NCAN: variants seen among roughly 807,000 people sequenced by gnomAD.
NCAN encodes neurocan core protein.
A neutral mutation model predicts 121.8 loss-of-function variants in NCAN; 47 were observed. That is an observed-to-expected ratio of 0.39 (90% confidence interval 0.31 to 0.49). NCAN has a LOEUF of 0.49. NCAN is among the 20% of genes least tolerant of loss of function. The pLI, the probability that NCAN is intolerant of heterozygous loss-of-function variation, is 0.92. For missense variants in NCAN, 1,517 were observed against 1,773.4 expected (o/e 0.86, Z 2.60); for synonymous variants, 633 against 702.0 (o/e 0.90, Z 1.55).
In NCAN at chr19:19,250,856, C is replaced by A; in HGVS notation, c.*945C>A. On this transcript the variant is annotated 3_prime_UTR_variant, in exon 15 of 15. Coordinates refer to ENST00000252575, the MANE Select transcript of NCAN (RefSeq NM_004386.3). ...CCTGGGTCCCACTCCTGCCCCACCC[C>A]ACCCTTGTCCCTGGCCATTGCCTGG... 1 of 157,756 alleles carries A rather than the reference C, an allele frequency of 6.3e-6. No individual in the cohort carries two copies. Among genetic ancestry groups the A allele is most frequent in the East Asian group, 1.6e-4 (1 of 6,216 alleles). The allele number at this position is 157,756 out of a possible 1,614,324, so 9.8% of individuals were successfully genotyped here.
intron 12 of NCAN, among the ~76,000 whole-genome samples, chr19:19,243,008 C>G (rs1234872882): frequency 2.0e-5 from 3 of 151,116 alleles, no homozygotes; most frequent in African/African-American, 7.3e-5. Context: ...GAGACTCCGG[C>G]TCAAAAATAA....
At chr19:19,219,346 G>A (rs12459735) in intron 3 of NCAN, 30 bp downstream of exon 3, 134,966 of 1,470,172 alleles carry the variant, frequency 0.092, 7,291 homozygotes, top group East Asian at 0.18. Flanking sequence ...GGGGCCGGGG[G>A]CCGGGGAGAG....
rs1599828032 is a variant in NCAN, at chr19:19,250,015, GA to G, written c.*106del. On this transcript the variant is annotated 3_prime_UTR_variant, in exon 15 of 15. Transcript: ENST00000252575. The stretch of plus-strand genomic sequence containing the variant: ...GAAACAAGAGAGTCCAGAAGTCCCT[GA>G]ACCCCAAACCACATCCCCCACACAC... 4.0e-6 allele frequency: 5 copies of G among 1,249,704 alleles called. No individual in the cohort carries two copies. Among genetic ancestry groups the G allele is most frequent in the East Asian group, 2.5e-5 (1 of 39,580 alleles). 77.4% of individuals were successfully genotyped at this position (1,249,704 alleles called of 1,614,324 possible).
rs1327786976 is a variant in NCAN, at chr19:19,212,001, A to T, written c.-71A>T. The T allele has an allele frequency of 1.9e-5, 4 of 215,464 alleles. No homozygotes were observed. The highest frequency in any genetic ancestry group is 1.6e-4 in the South Asian group (4 of 24,524). The allele number at this position is 215,464 out of a possible 1,614,324, so 13.3% of individuals were successfully genotyped here. On this transcript the variant is annotated 5_prime_UTR_variant, in exon 1 of 15. Transcript: ENST00000252575. The surrounding 1 kb of genome is among the most constrained non-coding windows in gnomAD (Gnocchi z 4.5). Reference sequence around the variant, plus strand: ...GCTGGACCCGGCGCGGAGCTGGCTGAGTCGGAGCGCAGCGTCCTTTGTGCC... The same window carrying T: ...GCTGGACCCGGCGCGGAGCTGGCTGTGTCGGAGCGCAGCGTCCTTTGTGCC...
intron 3 of NCAN, among the ~76,000 whole-genome samples, chr19:19,222,562 A>T (rs749711849): frequency 1.3e-5 from 2 of 152,096 alleles, no homozygotes; most frequent in Non-Finnish European, 2.9e-5. Context: ...TACAGGCATG[A>T]GCTGCTATGC....
At chr19:19,238,735 T>C (rs2060891105) in intron 11 of NCAN, 2 of 408,720 alleles carry the variant, frequency 4.9e-6, no homozygotes, top group Admixed American at 3.6e-5. Flanking sequence ...GACCATTTCT[T>C]GGGGAGGATA....
chr19:19,223,888 G>T, intron 3 of NCAN, 133 bp from the exon 4 acceptor site: 1 of 853,024 alleles, frequency 1.2e-6, no homozygotes, highest in Non-Finnish European at 1.6e-6. Context: ...CCCCACCCTC[G>T]ACCCACACTG....
chr19:19,238,313 C>T lies in NCAN; in HGVS notation c.3311C>T (p.Ala1104Val). The T allele has an allele frequency of 6.2e-7, 1 of 1,614,178 alleles. No homozygotes were observed. The highest frequency in any genetic ancestry group is 1.3e-5 in the African/African-American group (1 of 75,052). ...CAGGGCCACTGTTACCGCTATTTTG[C>T]CCACCGGAGGGCATGGGAAGATGCC... ...KFQGHCYRYF[A>V]HRRAWEDAEK... The change falls in exon 11 of 15, where the codon GCC becomes GTC. Residue 1104 changes from alanine (A) to valine (V), a missense_variant. Transcript: ENST00000252575.
chr19:19,249,886 A>G lies in NCAN; in HGVS notation c.3941A>G (p.Glu1314Gly). The G allele has an allele frequency of 6.2e-7, 1 of 1,614,044 alleles. No homozygotes were observed. Among genetic ancestry groups the G allele is most frequent in the Non-Finnish European group, 8.5e-7 (1 of 1,179,958 alleles). The change falls in exon 15 of 15, where the codon GAG (glutamate) becomes GGG (glycine). Residue 1314 changes from glutamate (E) to glycine (G), a missense_variant. Glu to Gly is a moderately conservative substitution (Grantham distance 98). Transcript: ENST00000252575. ...AAGAAACACCCAACGGAGGACTGGG[A>G]GAAGGACGAAGGGAATTTCTGCTGA... is the stretch of plus-strand genomic sequence containing the variant. Reference protein sequence around the residue: ...KHKKHPTEDWEKDEGNFC With the variant: ...KHKKHPTEDWGKDEGNFC
In NCAN at chr19:19,251,551, C is replaced by G. The variant is rs2060946227; in HGVS notation, c.*1640C>G. 6.6e-6 allele frequency: 1 copy of G among 152,184 alleles called. No individual in the cohort carries two copies. The highest frequency in any genetic ancestry group is 1.5e-5 in the Non-Finnish European group (1 of 68,036). The allele number at this position is 152,184 out of a possible 1,614,324, so 9.4% of individuals were successfully genotyped here. A position where few individuals can be genotyped will look rare whatever the true frequency, so the allele number is the denominator to read the frequency against. ...GGACCAAATCCTTACTCTGGCTCTGCTTACACTTTCTCTCCATCACCAAAT... is the reference window on the plus strand; with the variant it reads ...GGACCAAATCCTTACTCTGGCTCTGGTTACACTTTCTCTCCATCACCAAAT... On this transcript the variant is annotated 3_prime_UTR_variant, in exon 15 of 15. Coordinates refer to ENST00000252575, the MANE Select transcript of NCAN (RefSeq NM_004386.3).
intron 8 of NCAN, among the ~76,000 whole-genome samples, chr19:19,230,191 C>A (rs925442637): frequency 2.0e-5 from 3 of 151,724 alleles, no homozygotes; most frequent in Non-Finnish European, 4.4e-5. Context: ...ATTACAGGCT[C>A]CCGCCACCAC....
intron 10 of NCAN, among the ~76,000 whole-genome samples, chr19:19,237,504 T>C (rs1008218094): frequency 2.0e-5 from 3 of 150,800 alleles, no homozygotes; most frequent in African/African-American, 7.3e-5. Flanking sequence ...AAAAAAAATT[T>C]TATATATATA....
chr19:19,212,636 G>A lies in NCAN; in HGVS notation c.-8+572G>A, dbSNP rs1238282436. ...CCCTGCCATCTCCCTGTCCTTTTGG[G>A]TCAGGTCCGGTCACCACGTTCTGAC... On this transcript the variant is annotated intron_variant, in intron 1 of 14. Coordinates refer to ENST00000252575, the MANE Select transcript of NCAN (RefSeq NM_004386.3). The surrounding 1 kb of genome is among the most constrained non-coding windows in gnomAD (Gnocchi z 4.5). Among the ~76,000 whole-genome samples the A allele has an allele frequency of 3.3e-5, 5 of 152,210 alleles. No homozygotes were observed. The highest frequency in any genetic ancestry group is 3.3e-4 in the Admixed American group (5 of 15,286).
chr19:19,220,489 G>T (rs1345509420), intron 3 of NCAN, among the ~76,000 whole-genome samples: 2 of 104,850 alleles, frequency 1.9e-5, no homozygotes, highest in East Asian at 3.2e-4. Context: ...TGGGAGTCTC[G>T]CTCTGTCTCC....
chr19:19,240,077 C>T (rs1214162934), intron 11 of NCAN, among the ~76,000 whole-genome samples: 5 of 128,054 alleles, frequency 3.9e-5, no homozygotes, highest in African/African-American at 1.2e-4. Context: ...CTCCTCCCTC[C>T]TGCTCCTCAT....
intron 3 of NCAN, among the ~76,000 whole-genome samples, chr19:19,221,291 G>C (rs916096564): frequency 2.0e-5 from 3 of 151,800 alleles, no homozygotes; most frequent in African/African-American, 7.3e-5. Flanking sequence ...TGTAATCCCA[G>C]CATTTTGGGA....
chr19:19,219,159 C>T lies in NCAN; in HGVS notation c.318C>T (p.Ser106=). 6.2e-7 allele frequency: 1 copy of T among 1,613,692 alleles called. No individual in the cohort carries two copies. The highest frequency in any genetic ancestry group is 1.1e-5 in the South Asian group (1 of 91,070). The change falls in exon 3 of 15, where the codon AGC becomes AGT. Residue 106 remains serine, a synonymous_variant. Coordinates refer to ENST00000252575, the MANE Select transcript of NCAN (RefSeq NM_004386.3). ...ACAATGTCGTGAGGGTGGCCAAAAG[C>T]TGGCAGGGACGAGTGTCACTGCCTT... The part of the protein sequence containing the change: ...AKDNVVRVAK[S]WQGRVSLPSY...
In NCAN at chr19:19,228,497, G is replaced by A. The variant is rs1187069033; in HGVS notation, c.2877G>A (p.Leu959=). 1.6e-5 allele frequency: 26 copies of A among 1,613,412 alleles called. No homozygotes were observed. Among genetic ancestry groups the A allele is most frequent in the Non-Finnish European group, 2.1e-5 (25 of 1,180,036 alleles). The change falls in exon 8 of 15, where the codon CTG becomes CTA. Residue 959 remains leucine (L), a synonymous_variant. Coordinates refer to ENST00000252575, the MANE Select transcript of NCAN (RefSeq NM_004386.3). ...TACCGTGGGACCCCTCCAGCACCCTGCTGCCTGTCACCCTGGGCATAGAGG... is the reference window on the plus strand; with the variant it reads ...TACCGTGGGACCCCTCCAGCACCCTACTGCCTGTCACCCTGGGCATAGAGG... The part of the protein sequence containing the change: ...PTVPWDPSST[L]LPVTLGIEDF...
intron 8 of NCAN, among the ~76,000 whole-genome samples, chr19:19,230,403 A>AGT (rs2060853773): frequency 8.4e-6 from 1 of 118,478 alleles, no homozygotes. Context: ...CCACCCCCAA[A>AGT]TTTTTTTTTT....
Sources: allele counts gnomAD v4.1 joint callset (sites outside exome capture counted in the v4.1 genomes callset), GRCh38; gene constraint gnomAD v4.1.1; non-coding constraint Gnocchi (gnomAD v3.1); transcripts MANE v1.5; gene names NCBI Gene and HGNC (gene_info 2026-07-23, HGNC 2026-07-21).